The following MYPN variants were observed in gnomAD, a reference collection of about 807,000 sequenced individuals.
The protein encoded by MYPN is myopalladin.
In MYPN, 63 loss-of-function variants were observed where a neutral mutation model predicts 129.4. The ratio of observed to expected loss-of-function variants is 0.49; its 90% CI spans 0.40 to 0.60. The LOEUF (loss-of-function observed/expected upper bound fraction) is 0.60, where lower values mean the gene tolerates loss of function less well. MYPN is among the 20% of genes least tolerant of loss of function. The pLI is 0.00. For missense variants in MYPN, 1,596 were observed against 1,635.4 expected (o/e 0.98, Z 0.42); for synonymous variants, 629 against 600.9 (o/e 1.05, Z -0.68).
Position 68,174,087 on chromosome 10 carries a change from G to C in MYPN, c.1995G>C (p.Gln665His), listed in dbSNP as rs753544126. The change falls in exon 11 of 20, where the codon CAG (glutamine) becomes CAC (histidine). Residue 665 changes from glutamine (Q) to histidine (H), a missense_variant. Physicochemically the swap from Gln to His is conservative, Grantham distance 24. Coordinates refer to ENST00000358913, the MANE Select transcript of MYPN (RefSeq NM_032578.4). ...ACAGTGATTCCACTCAGTTACAACA[G>C]CTTCATAACCAAGTCTTACTGGAAC... Reference protein sequence around the residue: ...KPKLDSTQLQQLHNQVLLEQH... With the variant: ...KPKLDSTQLQHLHNQVLLEQH... 2 of 1,613,744 alleles carry C rather than the reference G, an allele frequency of 1.2e-6. No homozygotes were observed. Among genetic ancestry groups the C allele is most frequent in the African/African-American group, 1.3e-5 (1 of 74,872 alleles).
In MYPN at chr10:68,148,412, C is replaced by T; in HGVS notation, c.1190C>T (p.Ala397Val). The T allele has an allele frequency of 1.2e-6, 2 of 1,614,168 alleles. No homozygotes were observed. The highest frequency in any genetic ancestry group is 1.7e-6 in the Non-Finnish European group (2 of 1,180,000). The stretch of plus-strand genomic sequence containing the variant: ...ACTACCTCTGCAGTCATTCCTCCAG[C>T]AGTACCCCAAGCCCAGCATTTGGTG... ...PPTTSAVIPP[A>V]VPQAQHLVAQ... Residue 397 changes from alanine (A) to valine (V), a missense_variant, in exon 5 of 20, where the codon GCA (alanine) becomes GTA (valine). Transcript: ENST00000358913.
chr10:68,181,721 G>C (rs1564686006), intron 12 of MYPN, among the ~76,000 whole-genome samples: 1 of 152,094 alleles, frequency 6.6e-6, no homozygotes, highest in Admixed American at 6.6e-5. Context: ...CTGACACACT[G>C]TCAAGGCAGC....
upstream of MYPN, among the ~76,000 whole-genome samples, chr10:68,101,806 C>G (rs879486640): frequency 2.6e-5 from 4 of 151,648 alleles, no homozygotes; most frequent in Non-Finnish European, 5.9e-5. Flanking sequence ...GTTTCTGTTC[C>G]TGATTTCAAT....
At chr10:68,095,436 A>G (rs1015444449) in intron 1 of MYPN, among the ~76,000 whole-genome samples, 1 of 152,034 alleles carries the variant, frequency 6.6e-6, no homozygotes, top group Admixed American at 6.6e-5. Context: ...CATCCTGTGC[A>G]CTGTGGCAAG....
chr10:68,097,967 C>T (rs1308931665), intron 1 of MYPN, among the ~76,000 whole-genome samples: 3 of 152,098 alleles, frequency 2.0e-5, no homozygotes, highest in Non-Finnish European at 2.9e-5. Flanking sequence ...AATTTTAGGC[C>T]GGGCATGGTG....
chr10:68,148,211 G>A lies in MYPN; in HGVS notation c.1131-142G>A, dbSNP rs2042702061. 3 of 719,542 alleles carry A rather than the reference G, an allele frequency of 4.2e-6. 1 individual carries two copies. Among genetic ancestry groups the A allele is most frequent in the Non-Finnish European group, 4.8e-6 (2 of 413,836 alleles). 44.6% of individuals were successfully genotyped at this position (719,542 alleles called of 1,614,324 possible). On this transcript the variant is annotated intron_variant, in intron 4 of 19. Transcript: ENST00000358913. ...AAAATGTGTAGCAAAAATGCCCTTG[G>A]TCAACGTTTGTAAAATATCATCAAA...
intron 12 of MYPN, among the ~76,000 whole-genome samples, chr10:68,178,512 C>T (rs1455287827): frequency 6.6e-6 from 1 of 151,912 alleles, no homozygotes; most frequent in Non-Finnish European, 1.5e-5. Context: ...GTCAGGAATT[C>T]AAGACCAGCC....
At chr10:68,186,694 T>C (rs533829120) in intron 12 of MYPN, among the ~76,000 whole-genome samples, 35 of 152,340 alleles carry the variant, frequency 2.3e-4, no homozygotes, top group African/African-American at 8.2e-4. Flanking sequence ...AGCGCTCACC[T>C]GCCATGGTGC....
chr10:68,133,017 C>T (rs915044036), intron 2 of MYPN, among the ~76,000 whole-genome samples: 1 of 143,436 alleles, frequency 7.0e-6, no homozygotes, highest in South Asian at 2.5e-4. Context: ...ATGTGTAGAC[C>T]TCAATTTTTT....
chr10:68,096,209 A>G (rs1366372701), intron 1 of MYPN, among the ~76,000 whole-genome samples: 5 of 152,240 alleles, frequency 3.3e-5, no homozygotes, highest in African/African-American at 1.2e-4. Flanking sequence ...TGGGCAAATG[A>G]TAACTCTTAA....
At chr10:68,098,839 G>A (rs2041969289) in intron 1 of MYPN, among the ~76,000 whole-genome samples, 1 of 150,506 alleles carries the variant, frequency 6.6e-6, no homozygotes, top group Admixed American at 6.6e-5. Flanking sequence ...GCAAGACTCT[G>A]TCTCAAAAAA....
chr10:68,172,436 C>T (rs981915735), intron 10 of MYPN, among the ~76,000 whole-genome samples: 1 of 152,142 alleles, frequency 6.6e-6, no homozygotes, highest in African/African-American at 2.4e-5. Flanking sequence ...ATGGGTCTTC[C>T]CGTGGTTACT....
chr10:68,100,001 C>A (rs2041974453), intron 1 of MYPN, among the ~76,000 whole-genome samples: 1 of 152,126 alleles, frequency 6.6e-6, no homozygotes, highest in South Asian at 2.1e-4. Flanking sequence ...TGGCTTTGTG[C>A]AATTTCTTCT....
At chr10:68,108,002 A>G (rs2042033697), upstream of MYPN, among the ~76,000 whole-genome samples, 2 of 152,224 alleles carry the variant, frequency 1.3e-5, no homozygotes, top group African/African-American at 4.8e-5. Context: ...CTTTTTAAAT[A>G]AAAAGAAATT....
chr10:68,145,585 G>C (rs2042651571), intron 4 of MYPN, 59 bp downstream of exon 4: 2 of 1,402,524 alleles, frequency 1.4e-6, no homozygotes, highest in Middle Eastern at 1.8e-4. Context: ...ATAGCTCAAA[G>C]AGAATGATTA....
Position 68,176,631 on chromosome 10 carries a change from A to T in MYPN, c.2703+1170A>T, listed in dbSNP as rs544922764. Among the ~76,000 whole-genome samples the T allele has an allele frequency of 1.1e-4, 17 of 152,334 alleles. No individual in the cohort carries two copies. The East Asian group carries it at 3.1e-3, about 28-fold the overall frequency. Reference sequence around the variant, plus strand: ...AAATGTGCTTCTTAAAATCTTTTAAAAATTCACTTAAAATTATTAAGGAGA... The same window carrying T: ...AAATGTGCTTCTTAAAATCTTTTAATAATTCACTTAAAATTATTAAGGAGA... On this transcript the variant is annotated intron_variant, in intron 12 of 19. Transcript: ENST00000358913.
At chr10:68,186,445 T>A (rs994892979) in intron 12 of MYPN, among the ~76,000 whole-genome samples, 1 of 152,188 alleles carries the variant, frequency 6.6e-6, no homozygotes, top group African/African-American at 2.4e-5. Context: ...TCCCGCTGAC[T>A]AGGGGCAGGT....
At chr10:68,151,756 C>G (rs1426845316) in intron 6 of MYPN, among the ~76,000 whole-genome samples, 1 of 152,212 alleles carries the variant, frequency 6.6e-6, no homozygotes, top group Non-Finnish European at 1.5e-5. Context: ...CCTAGACAGA[C>G]AGGTGACATC....
At chr10:68,091,259 C>G (rs183985128) in intron 1 of MYPN, among the ~76,000 whole-genome samples, 4 of 152,102 alleles carry the variant, frequency 2.6e-5, no homozygotes, top group African/African-American at 9.6e-5. Flanking sequence ...CTCGGGTGGA[C>G]AGTGCTGATT....
Sources: gnomAD v4.1 joint callset for allele counts (sites outside exome capture counted in the v4.1 genomes callset) on GRCh38, gnomAD v4.1.1 for gene constraint, MANE v1.5 for transcripts, NCBI Gene and HGNC (gene_info 2026-07-23, HGNC 2026-07-21) for gene names.